The following PODNL1 variants were observed in gnomAD, a reference collection of about 807,000 sequenced individuals.
The protein encoded by PODNL1 is podocan-like protein 1.
In PODNL1, 50 loss-of-function variants were observed where a neutral mutation model predicts 45.1. The ratio of observed to expected loss-of-function variants is 1.11; its 90% CI spans 0.88 to 1.40. The LOEUF (loss-of-function observed/expected upper bound fraction) is 1.40. PODNL1 is among the 40% of genes most tolerant of loss of function. The probability of loss-of-function intolerance (pLI) is 0.00; values close to 1 mark genes in which losing one functional copy is unlikely to be tolerated. For missense variants in PODNL1, 788 were observed against 793.3 expected (o/e 0.99, Z 0.08); for synonymous variants, 406 against 372.5 (o/e 1.09, Z -1.04).
chr19:13,933,044 G>T lies in PODNL1; in HGVS notation c.1179C>A (p.His393Gln). The change falls in exon 8 of 10, where the codon CAC becomes CAA. Residue 393 changes from histidine (H) to glutamine (Q), a missense_variant. Around this residue, in one of 3 missense-constraint regions of PODNL1, gnomAD observed 762 missense variants for 750.9 expected, o/e 1.01. Coordinates refer to ENST00000588872, the MANE Select transcript of PODNL1 (RefSeq NM_001370095.3). This position sits in a 1 kb window ranked among gnomAD's most constrained non-coding sequence, Gnocchi z 5.2. ...CACGCAACCGGCGGAAGGCCCGGTG[G>T]TGCACACGGGCGCTGGCCAGGCGGT... Reference protein sequence around the residue: ...AYNRLASARVHHRAFRRLRAL... With the variant: ...AYNRLASARVQHRAFRRLRAL... 6.5e-7 allele frequency: 1 copy of T among 1,537,060 alleles called. No individual in the cohort carries two copies. Among genetic ancestry groups the T allele is most frequent in the South Asian group, 1.2e-5 (1 of 84,126 alleles).
chr19:13,935,676 CAG>C (rs771082919), intron 5 of PODNL1, 43 bp downstream of exon 5: 57 of 1,396,430 alleles, frequency 4.1e-5, no homozygotes, highest in Non-Finnish European at 5.5e-5. Context: ...GGGCATGACA[CAG>C]ATGTATCTGA....
At chr19:13,939,440 G>A (rs964763517), upstream of PODNL1, among the ~76,000 whole-genome samples, 4 of 152,060 alleles carry the variant, frequency 2.6e-5, no homozygotes, top group Admixed American at 2.0e-4. Context: ...TCGAACTCCT[G>A]ACCTCAGGTG....
rs1236250937 is a variant in PODNL1 at position 13,933,988 on chromosome 19, A to C, written c.657T>G (p.Asn219Lys). The C allele has an allele frequency of 6.2e-7, 1 of 1,602,778 alleles. No individual in the cohort carries two copies. Among genetic ancestry groups the C allele is most frequent in the Non-Finnish European group, 8.5e-7 (1 of 1,174,732 alleles). Reference protein sequence around the residue: ...PSLERLHLQNNLISKVPRGAL... With the variant: ...PSLERLHLQNKLISKVPRGAL... The stretch of plus-strand genomic sequence containing the variant: ...CTCCTCGGGGCACCTTGGAGATGAG[A>C]TTGTTCTGGAGAAGGAAGAAGAGAA... Residue 219 changes from asparagine (N) to lysine (K), a missense_variant, in exon 7 of 10, where the codon AAT (asparagine) becomes AAG (lysine). Physicochemically the swap from Asn to Lys is moderately conservative, Grantham distance 94. This residue lies in a region of PODNL1 where 762 missense variants were observed against 750.9 expected (regional missense o/e 1.01). Coordinates refer to ENST00000588872, the MANE Select transcript of PODNL1 (RefSeq NM_001370095.3). This position sits in a 1 kb window ranked among gnomAD's most constrained non-coding sequence, Gnocchi z 5.2.
chr19:13,941,091 G>A (rs185397075), upstream of PODNL1, among the ~76,000 whole-genome samples: 120 of 151,226 alleles, frequency 7.9e-4, no homozygotes, highest in African/African-American at 2.6e-3. Context: ...GTCGGCCAAG[G>A]ACGGTGGCTC....
At chr19:13,932,776 G>C in intron 8 of PODNL1, 22 bp downstream of exon 8, 1 of 1,612,748 alleles carries the variant, frequency 6.2e-7, no homozygotes. Context: ...GGGACAGTGT[G>C]GCTAACCAGC....
Position 13,938,359 on chromosome 19 carries a change from T to C in PODNL1, c.-178A>G. 7.1e-7 allele frequency: 1 copy of C among 1,399,264 alleles called. No homozygotes were observed. Among genetic ancestry groups the C allele is most frequent in the African/African-American group, 1.4e-5 (1 of 69,076 alleles). The allele number at this position is 1,399,264 out of a possible 1,614,324, so 86.7% of individuals were successfully genotyped here. A position where few individuals can be genotyped will look rare whatever the true frequency, so the allele number is the denominator to read the frequency against. On this transcript the variant is annotated 5_prime_UTR_variant, in exon 1 of 10. Coordinates refer to ENST00000588872, the MANE Select transcript of PODNL1 (RefSeq NM_001370095.3). ...CTTTGGGGGAGCTGGCCCACCCCCT[T>C]CCCCGCCCTGGGGAGGACGGGCAGG...
rs373561110 is a variant in PODNL1 at position 13,933,230 on chromosome 19, G to A, written c.993C>T (p.Gly331=). The part of the protein sequence containing the change: ...LPAGALRPLR[G]LHTLHLYGNG... ...TGCCATAGAGGTGCAGCGTGTGCAG[G>A]CCCCGCAGCGGCCGCAGAGCCCCGG... is the stretch of plus-strand genomic sequence containing the variant. The change falls in exon 8 of 10, where the codon GGC becomes GGT. Residue 331 remains glycine (G), a synonymous_variant. Transcript: ENST00000588872. The surrounding 1 kb of genome is among the most constrained non-coding windows in gnomAD (Gnocchi z 5.2). 5.1e-4 allele frequency: 785 copies of A among 1,540,364 alleles called. No individual in the cohort carries two copies. Among genetic ancestry groups the A allele is most frequent in the Non-Finnish European group, 6.5e-4 (743 of 1,148,034 alleles).
rs1012240650 is a variant in PODNL1, at chr19:13,952,423, G to T, written c.18+696C>A. 4 of 1,236,686 alleles carry T rather than the reference G, an allele frequency of 3.2e-6. No homozygotes were observed. In the African/African-American group the frequency reaches 4.7e-5, roughly 14 times the overall value. The allele number at this position is 1,236,686 out of a possible 1,614,324, so 76.6% of individuals were successfully genotyped here. ...GAGTGCGGGCTTTCGCCCAACCGGC[G>T]GGCCGCTGTCCCGAAAAAGGACCAA... On this transcript the variant is annotated intron_variant, in intron 1 of 7. Transcript: ENST00000538371.
chr19:13,936,532 C>T (rs2145432042), intron 2 of PODNL1, 72 bp from the exon 3 acceptor site: 4 of 1,310,382 alleles, frequency 3.1e-6, no homozygotes, highest in Non-Finnish European at 4.4e-6. Flanking sequence ...TGATTCTCAA[C>T]TTCCCATCAG....
intron 3 of PODNL1, 95 bp downstream of exon 3, chr19:13,936,272 G>C (rs903948251): frequency 5.5e-6 from 7 of 1,262,904 alleles, no homozygotes; most frequent in South Asian, 1.3e-5. Context: ...AACTGCCACA[G>C]AGCTGCCCGC....
In PODNL1 at chr19:13,934,324, C is replaced by T. The variant is rs898200446; in HGVS notation, c.581G>A (p.Ser194Asn). The T allele has an allele frequency of 2.6e-6, 4 of 1,555,808 alleles. No homozygotes were observed. Among genetic ancestry groups the T allele is most frequent in the Non-Finnish European group, 3.5e-6 (4 of 1,155,702 alleles). Residue 194 changes from serine to asparagine, a missense_variant, in exon 6 of 10, where the codon AGC becomes AAC. Ser to Asn is a conservative substitution (Grantham distance 46, BLOSUM62 1). Transcript: ENST00000588872. ...GTAGCTGAGCTGGTTGTTGGAGAGGCTGAGGGTGGCGATGGCCTCGGAGCC... is the reference window on the plus strand; with the variant it reads ...GTAGCTGAGCTGGTTGTTGGAGAGGTTGAGGGTGGCGATGGCCTCGGAGCC... Reference protein sequence around the residue: ...FRGSEAIATLSLSNNQLSYLP... With the variant: ...FRGSEAIATLNLSNNQLSYLP...
intron 1 of PODNL1, among the ~76,000 whole-genome samples, chr19:13,943,919 C>T (rs1972736426): frequency 6.6e-6 from 1 of 152,152 alleles, no homozygotes; most frequent in Non-Finnish European, 1.5e-5. Context: ...GACAGGACAT[C>T]TACCTATCTA....
Position 13,932,836 on chromosome 19 carries a change from T to A in PODNL1, c.1387A>T (p.Ile463Phe), listed in dbSNP as rs762656571. The change falls in exon 8 of 10, where the codon ATC (isoleucine) becomes TTC (phenylalanine). Residue 463 changes from isoleucine to phenylalanine, a missense_variant. Ile to Phe is a conservative substitution (Grantham distance 21). Transcript: ENST00000588872. Reference sequence around the variant, plus strand: ...AGCTCATGCCAGGTGCCTGGCCCGATGTCGCCGACCCGGAGCCGGTTGTGC... The same window carrying A: ...AGCTCATGCCAGGTGCCTGGCCCGAAGTCGCCGACCCGGAGCCGGTTGTGC... ...LAHNRLRVGD[I>F]GPGTWHELQA... The A allele has an allele frequency of 1.2e-6, 2 of 1,612,628 alleles. No individual in the cohort carries two copies. Among genetic ancestry groups the A allele is most frequent in the African/African-American group, 1.3e-5 (1 of 74,948 alleles).
chr19:13,932,805 G>A lies in PODNL1; in HGVS notation c.1418C>T (p.Ala473Val), dbSNP rs534074373. Residue 473 changes from alanine (A) to valine (V), a missense_variant, in exon 8 of 10, where the codon GCC becomes GTC. Coordinates refer to ENST00000588872, the MANE Select transcript of PODNL1 (RefSeq NM_001370095.3). ...AACCAGCCTGTGCCTGACCTGGAGG[G>A]CTTGGAGCTCATGCCAGGTGCCTGG... is the stretch of plus-strand genomic sequence containing the variant. Reference protein sequence around the residue: ...IGPGTWHELQALQMLDLSHNE... With the variant: ...IGPGTWHELQVLQMLDLSHNE... 155 of 1,613,030 alleles carry A rather than the reference G, an allele frequency of 9.6e-5. No homozygotes were observed. The South Asian group carries it at 1.4e-3, about 15-fold the overall frequency.
intron 1 of PODNL1, among the ~76,000 whole-genome samples, chr19:13,951,768 T>A (rs1358061188): frequency 6.6e-6 from 1 of 152,142 alleles, no homozygotes; most frequent in Non-Finnish European, 1.5e-5. Flanking sequence ...TGAGACTCTG[T>A]CTAAAAAAAT....
intron 1 of PODNL1, chr19:13,949,683 A>G (rs186915089): frequency 1.3e-5 from 2 of 151,398 alleles, no homozygotes; most frequent in East Asian, 3.9e-4. Flanking sequence ...ATTTCCTCTA[A>G]TGTTTTTTGG....
chr19:13,936,079 G>C, intron 3 of PODNL1, 35 bp from the exon 4 acceptor site: 1 of 1,523,608 alleles, frequency 6.6e-7, no homozygotes, highest in Non-Finnish European at 8.9e-7. Context: ...GGGACCCCAG[G>C]CCTGTCTTGG....
rs891195860 is a variant in PODNL1, at chr19:13,931,495, G to T, written c.*242C>A. ...AGTGCTGGAAGGGTTTGGCTTTATT[G>T]TTGCTGCCTCCATCTGTGTTGGGAG... On this transcript the variant is annotated 3_prime_UTR_variant, in exon 10 of 10. Coordinates refer to ENST00000588872, the MANE Select transcript of PODNL1 (RefSeq NM_001370095.3). 1.2e-5 allele frequency: 5 copies of T among 404,242 alleles called. No homozygotes were observed. Among genetic ancestry groups the T allele is most frequent in the African/African-American group, 1.0e-4 (5 of 48,722 alleles). 25.0% of individuals were successfully genotyped at this position (404,242 alleles called of 1,614,324 possible). A position where few individuals can be genotyped will look rare whatever the true frequency, so the allele number is the denominator to read the frequency against.
At chr19:13,935,439 G>T (rs1972277993) in intron 5 of PODNL1, among the ~76,000 whole-genome samples, 1 of 152,144 alleles carries the variant, frequency 6.6e-6, no homozygotes, top group Non-Finnish European at 1.5e-5. Flanking sequence ...CCAGTCTCCT[G>T]CCTCAGCCTC....
Sources: allele counts gnomAD v4.1 joint callset (sites outside exome capture counted in the v4.1 genomes callset), GRCh38; gene constraint gnomAD v4.1.1; regional missense constraint gnomAD v4.1.1; non-coding constraint Gnocchi (gnomAD v3.1); transcripts MANE v1.5; gene names NCBI Gene and HGNC (gene_info 2026-07-23, HGNC 2026-07-21).